The following RAP1GAP2 variants were observed in gnomAD, a reference collection of about 807,000 sequenced individuals.
RAP1GAP2 encodes RAP1 GTPase activating protein 2.
In RAP1GAP2, 27 loss-of-function variants were observed where a neutral mutation model predicts 95.0. The ratio of observed to expected loss-of-function variants is 0.28; its 90% CI spans 0.21 to 0.39. The LOEUF (loss-of-function observed/expected upper bound fraction) is 0.39. Ranked by LOEUF, RAP1GAP2 falls within the 10% of genes least tolerant of loss-of-function variation. The pLI, the probability that RAP1GAP2 is intolerant of heterozygous loss-of-function variation, is 1.00. For synonymous variants in RAP1GAP2, 373 were observed against 380.9 expected (o/e 0.98, Z 0.24); for missense variants, 771 against 970.0 (o/e 0.79, Z 2.72).
At chr17:2,931,223 G>A (rs942287980) in intron 3 of RAP1GAP2, among the ~76,000 whole-genome samples, 1 of 151,770 alleles carries the variant, frequency 6.6e-6, no homozygotes, top group Non-Finnish European at 1.5e-5. Flanking sequence ...CCCACCTTTT[G>A]GGCTGATAAA....
rs67968065 is a variant in RAP1GAP2, at chr17:2,825,953, AT to A, written c.80+25411del. 6.8e-6 allele frequency among the ~76,000 whole-genome samples: 1 copy of A among 147,310 alleles called. No individual in the cohort carries two copies. The highest frequency in any genetic ancestry group is 2.0e-4 in the East Asian group (1 of 4,968). On this transcript the variant is annotated intron_variant, in intron 2 of 24. Coordinates refer to ENST00000254695, the MANE Select transcript of RAP1GAP2 (RefSeq NM_015085.5). The surrounding 1 kb of genome is among the most constrained non-coding windows in gnomAD (Gnocchi z 4.1). ...CTAGGAAGAGAAGGTTGCAGGGGGC[AT>A]TTTTTTTCTTTTTTCTTTCTTTCTT...
chr17:2,963,290 A>T lies in RAP1GAP2; in HGVS notation c.247-140A>T. 1 of 959,584 alleles carries T rather than the reference A, an allele frequency of 1.0e-6. No homozygotes were observed. Among genetic ancestry groups the T allele is most frequent in the Non-Finnish European group, 1.7e-6 (1 of 596,740 alleles). The allele number at this position is 959,584 out of a possible 1,614,324, so 59.4% of individuals were successfully genotyped here. A position where few individuals can be genotyped will look rare whatever the true frequency, so the allele number is the denominator to read the frequency against. The stretch of plus-strand genomic sequence containing the variant: ...TGGGGGATGTTAGATTCCAGAGCTG[A>T]TTCTGAGCTGTTCTTCCATCGAATG... On this transcript the variant is annotated intron_variant, in intron 5 of 24. Transcript: ENST00000254695. The surrounding 1 kb of genome is among the most constrained non-coding windows in gnomAD (Gnocchi z 4.8).
At chr17:2,927,208 C>T (rs549100659) in intron 3 of RAP1GAP2, among the ~76,000 whole-genome samples, 10 of 151,336 alleles carry the variant, frequency 6.6e-5, no homozygotes, top group South Asian at 2.1e-4. Flanking sequence ...GGCTGGAGTG[C>T]AGTGGCGCGA....
rs368459299 is a variant in RAP1GAP2 at position 2,934,574 on chromosome 17, C to G, written c.166-23185C>G. ...GTCTTGAGATTTCAAATCCACTGTT[C>G]TTTCTGTTACCCCAAGAAATAATTA... On this transcript the variant is annotated intron_variant, in intron 3 of 24. Transcript: ENST00000254695. Among the ~76,000 whole-genome samples the G allele has an allele frequency of 6.6e-5, 10 of 152,326 alleles. 1 individual carries two copies. Among genetic ancestry groups the G allele is most frequent in the East Asian group, 1.9e-4 (1 of 5,182 alleles).
chr17:2,786,024 C>A (rs1265836271), intron 1 of RAP1GAP2, among the ~76,000 whole-genome samples: 1 of 151,652 alleles, frequency 6.6e-6, no homozygotes, highest in Non-Finnish European at 1.5e-5. Context: ...GCCTCAGCCT[C>A]CTGCGTAGCT....
In RAP1GAP2 at chr17:2,764,049, C is replaced by T. The variant is rs148806341; in HGVS notation, c.51-6280C>T. Among the ~76,000 whole-genome samples, 47 of 151,918 alleles carry T rather than the reference C, an allele frequency of 3.1e-4. No homozygotes were observed. The South Asian group carries it at 4.8e-3, about 15-fold the overall frequency. On this transcript the variant is annotated intron_variant, in intron 1 of 25. Coordinates refer to the RAP1GAP2 transcript ENST00000637138. ...AGCTGCTGGACCAGATGAGTGACTT[C>T]TTGGGATTTTTCTGGCCCTAGCAAC...
At chr17:2,864,772 G>A (rs924520791) in intron 2 of RAP1GAP2, among the ~76,000 whole-genome samples, 3 of 152,220 alleles carry the variant, frequency 2.0e-5, no homozygotes, top group Non-Finnish European at 2.9e-5. Context: ...GAGCTGGGCT[G>A]CAGAATGGCC....
At chr17:2,907,567 G>A (rs2042240534) in intron 3 of RAP1GAP2, among the ~76,000 whole-genome samples, 1 of 152,096 alleles carries the variant, frequency 6.6e-6, no homozygotes, top group Non-Finnish European at 1.5e-5. Context: ...TAGGAGGTGG[G>A]GGGACTCTAA....
At chr17:2,807,008 T>C (rs1429015656) in intron 2 of RAP1GAP2, among the ~76,000 whole-genome samples, 1 of 152,042 alleles carries the variant, frequency 6.6e-6, no homozygotes, top group Non-Finnish European at 1.5e-5. Context: ...AAACTCAGGC[T>C]TCCCTCCCCA....
intron 10 of RAP1GAP2, among the ~76,000 whole-genome samples, chr17:2,982,247 T>G (rs2151540454): frequency 6.6e-6 from 1 of 152,336 alleles, no homozygotes; most frequent in East Asian, 1.9e-4. Context: ...GAAGCGATTC[T>G]CCTGCCTCAG....
chr17:2,826,318 G>A (rs1289291101), intron 2 of RAP1GAP2, among the ~76,000 whole-genome samples: 4 of 151,904 alleles, frequency 2.6e-5, no homozygotes, highest in Non-Finnish European at 5.9e-5. Context: ...TCACACTGAG[G>A]AAACAGTAAG....
chr17:2,759,484 C>G (rs1234861362), intron 1 of RAP1GAP2, among the ~76,000 whole-genome samples: 1 of 152,012 alleles, frequency 6.6e-6, no homozygotes, highest in Non-Finnish European at 1.5e-5. Flanking sequence ...GAGTCTCACT[C>G]TTGTCGCCCA....
intron 9 of RAP1GAP2, 66 bp from the exon 10 acceptor site, chr17:2,981,129 G>A: frequency 6.8e-7 from 1 of 1,461,416 alleles, no homozygotes; most frequent in Non-Finnish European, 9.5e-7. Context: ...TGTCCAGGTG[G>A]GCAGAGGAGC....
intron 13 of RAP1GAP2, among the ~76,000 whole-genome samples, chr17:2,996,807 G>A (rs2045974718): frequency 6.6e-6 from 1 of 152,232 alleles, no homozygotes; most frequent in African/African-American, 2.4e-5. Context: ...TGGAGTAAGT[G>A]AGGCAATTTG....
At chr17:2,773,828 G>A (rs1380539478), upstream of RAP1GAP2, among the ~76,000 whole-genome samples, 1 of 151,542 alleles carries the variant, frequency 6.6e-6, no homozygotes, top group Non-Finnish European at 1.5e-5. Flanking sequence ...TGCCATCTCA[G>A]CTCACTGCAA....
intron 3 of RAP1GAP2, among the ~76,000 whole-genome samples, chr17:2,919,080 G>T (rs1597608109): frequency 6.6e-6 from 1 of 152,114 alleles, no homozygotes; most frequent in Non-Finnish European, 1.5e-5. Context: ...ACAGCTGAGG[G>T]GCCTGTCTGT....
At chr17:2,924,663 C>T (rs1478601219) in intron 3 of RAP1GAP2, among the ~76,000 whole-genome samples, 1 of 151,970 alleles carries the variant, frequency 6.6e-6, no homozygotes, top group Non-Finnish European at 1.5e-5. Context: ...GGGTTTGCTT[C>T]CCCGAGGATC....
chr17:2,957,178 G>C (rs1270152568), intron 3 of RAP1GAP2, among the ~76,000 whole-genome samples: 1 of 151,676 alleles, frequency 6.6e-6, no homozygotes, highest in African/African-American at 2.4e-5. Flanking sequence ...TGGAGGCCTC[G>C]GTTCAATGGT....
chr17:2,957,714 C>T (rs2044169834), intron 3 of RAP1GAP2, 45 bp from the exon 4 acceptor site: 1 of 1,593,874 alleles, frequency 6.3e-7, no homozygotes. Context: ...CTGTGGACCT[C>T]CCGGCTGATC....
Sources: allele counts gnomAD v4.1 joint callset (sites outside exome capture counted in the v4.1 genomes callset), GRCh38; gene constraint gnomAD v4.1.1; non-coding constraint Gnocchi (gnomAD v3.1); transcripts MANE v1.5; gene names NCBI Gene and HGNC (gene_info 2026-07-23, HGNC 2026-07-21).